CACNA1C: variants seen among roughly 807,000 people sequenced by gnomAD.
CACNA1C encodes calcium voltage-gated channel subunit alpha1 C.
A neutral mutation model predicts 229.0 loss-of-function variants in CACNA1C; 30 were observed. That is an observed-to-expected ratio of 0.13 (90% confidence interval 0.10 to 0.18). The LOEUF is 0.18. Ranked by LOEUF, CACNA1C falls within the 10% of genes least tolerant of loss-of-function variation. CACNA1C has a pLI of 1.00. For missense variants in CACNA1C, 1,658 were observed against 2,845.0 expected, an observed-to-expected ratio of 0.58 and a Z score of 9.49; for synonymous variants, 1,114 against 1,132.5, an observed-to-expected ratio of 0.98 and a Z score of 0.33.
intron 3 of CACNA1C, among the ~76,000 whole-genome samples, chr12:2,203,758 T>G (rs1262659719): frequency 6.6e-6 from 1 of 152,210 alleles, no homozygotes; most frequent in Non-Finnish European, 1.5e-5. Context: ...GCATCTCCTC[T>G]GCCTTCATAC....
intron 3 of CACNA1C, among the ~76,000 whole-genome samples, chr12:2,155,643 A>C (rs1156288268): frequency 6.6e-6 from 1 of 152,162 alleles, no homozygotes; most frequent in Non-Finnish European, 1.5e-5. Context: ...CTGTGAGAGC[A>C]TATTGGATTG....
At chr12:2,310,819 C>T (rs542695675) in intron 3 of CACNA1C, among the ~76,000 whole-genome samples, 15 of 152,272 alleles carry the variant, frequency 9.9e-5, no homozygotes, top group African/African-American at 2.4e-4. Flanking sequence ...CAATGGTTGC[C>T]GCAAGACCCC....
intron 3 of CACNA1C, among the ~76,000 whole-genome samples, chr12:2,416,622 C>T (rs1192662480): frequency 6.6e-6 from 1 of 152,208 alleles, no homozygotes; most frequent in Non-Finnish European, 1.5e-5. Context: ...AACCACCACG[C>T]TCTGAGCCTG....
At chr12:2,070,695 A>G (rs887817954) in intron 1 of CACNA1C, among the ~76,000 whole-genome samples, 2 of 152,194 alleles carry the variant, frequency 1.3e-5, no homozygotes, top group African/African-American at 4.8e-5. Flanking sequence ...TATTAGTGTT[A>G]CGCAGTTTTA....
chr12:2,614,587 A>G (rs757672352), intron 29 of CACNA1C: 2 of 152,238 alleles, frequency 1.3e-5, no homozygotes, highest in Admixed American at 6.5e-5. Context: ...GCTTCTAACC[A>G]TGACCTGAAT....
rs572001479 is a variant in CACNA1C, at chr12:2,512,277, G to A, written c.1218-535G>A. 1.3e-5 allele frequency among the ~76,000 whole-genome samples: 2 copies of A among 152,256 alleles called. No homozygotes were observed. The highest frequency in any genetic ancestry group is 3.9e-4 in the East Asian group (2 of 5,168). On this transcript the variant is annotated intron_variant, in intron 8 of 46. Coordinates refer to ENST00000399655, the MANE Select transcript of CACNA1C (RefSeq NM_000719.7). This position sits in a 1 kb window ranked among gnomAD's most constrained non-coding sequence, Gnocchi z 4.3. ...TACCAGCGAGACATCCCTGAAGCCA[G>A]AGTTGGGAAGAGACATGAATGATTG...
At chr12:2,593,055 C>T (rs903367404) in intron 18 of CACNA1C, among the ~76,000 whole-genome samples, 158 bp from the exon 19 acceptor site, 3 of 152,194 alleles carry the variant, frequency 2.0e-5, no homozygotes, top group African/African-American at 7.2e-5. Context: ...CAGAGATGAG[C>T]TGCAGCAGCA....
At chr12:1,973,307 T>C (rs528619388) in intron 1 of CACNA1C, among the ~76,000 whole-genome samples, 15 of 152,318 alleles carry the variant, frequency 9.8e-5, no homozygotes, top group African/African-American at 3.4e-4. Flanking sequence ...TTCTATTTTA[T>C]GGGTGACTAA....
intron 29 of CACNA1C, among the ~76,000 whole-genome samples, chr12:2,624,586 A>T (rs1222356399): frequency 1.3e-5 from 2 of 152,236 alleles, no homozygotes; most frequent in African/African-American, 4.8e-5. Flanking sequence ...ACGGAAACCT[A>T]GACATTCTCT....
chr12:2,536,277 C>G (rs1249269630), intron 9 of CACNA1C, among the ~76,000 whole-genome samples: 5 of 152,204 alleles, frequency 3.3e-5, no homozygotes, highest in Admixed American at 2.6e-4. Flanking sequence ...CGGCAAAGAA[C>G]AGGGTGCAAA....
rs551088742 is a variant in CACNA1C, at chr12:2,506,597, T to C, written c.1217+1652T>C. Among the ~76,000 whole-genome samples, 9 of 152,320 alleles carry C rather than the reference T, an allele frequency of 5.9e-5. No homozygotes were observed. The East Asian group carries it at 1.7e-3, about 29-fold the overall frequency. On this transcript the variant is annotated intron_variant, in intron 8 of 46. Coordinates refer to ENST00000399655, the MANE Select transcript of CACNA1C (RefSeq NM_000719.7). ...ACTTGGTGCCTGTTATAACTAGAAG[T>C]ATAGAATCATCAAATATTAGACATG...
chr12:2,181,508 T>C lies in CACNA1C; in HGVS notation c.477+61078T>C, dbSNP rs1409355576. On this transcript the variant is annotated intron_variant, in intron 3 of 46. Transcript: ENST00000399655. This position sits in a 1 kb window ranked among gnomAD's most constrained non-coding sequence, Gnocchi z 4.0. ...AAAACTCAGTTGCTGAAAGGCGTAA[T>C]AGGGGAGCGCAGATTTGAGGGTCAT... is the stretch of plus-strand genomic sequence containing the variant. Among the ~76,000 whole-genome samples, 1 of 152,098 alleles carries C rather than the reference T, an allele frequency of 6.6e-6. No individual in the cohort carries two copies. Among genetic ancestry groups the C allele is most frequent in the Non-Finnish European group, 1.5e-5 (1 of 68,004 alleles).
intron 1 of CACNA1C, among the ~76,000 whole-genome samples, chr12:2,109,317 T>G (rs1233898745): frequency 6.6e-6 from 1 of 152,014 alleles, no homozygotes; most frequent in Non-Finnish European, 1.5e-5. Flanking sequence ...GCAGCTAGTG[T>G]TTGAGTTCTG....
intron 1 of CACNA1C, among the ~76,000 whole-genome samples, chr12:2,112,112 G>A (rs2081995402): frequency 6.6e-6 from 1 of 152,178 alleles, no homozygotes; most frequent in Non-Finnish European, 1.5e-5. Context: ...CTCACCGTGA[G>A]CCCTGTGCCT....
intron 3 of CACNA1C, among the ~76,000 whole-genome samples, chr12:2,385,199 G>A (rs2154546737): frequency 6.6e-6 from 1 of 152,272 alleles, no homozygotes; most frequent in East Asian, 1.9e-4. Context: ...TGGAATCAGA[G>A]TCTCCATGCT....
At chr12:2,681,095 C>T (rs1182924772) in intron 42 of CACNA1C, among the ~76,000 whole-genome samples, 1 of 152,156 alleles carries the variant, frequency 6.6e-6, no homozygotes, top group East Asian at 1.9e-4. Flanking sequence ...CCCCTCTGGC[C>T]TCATGAAGCT....
chr12:2,169,353 C>T (rs576217385), intron 3 of CACNA1C, among the ~76,000 whole-genome samples: 1 of 152,244 alleles, frequency 6.6e-6, no homozygotes, highest in Admixed American at 6.5e-5. Flanking sequence ...CTGATCTGTT[C>T]CCAATCTGAA....
At chr12:2,516,576 C>T (rs907971937) in intron 9 of CACNA1C, among the ~76,000 whole-genome samples, 2 of 152,068 alleles carry the variant, frequency 1.3e-5, no homozygotes, top group Non-Finnish European at 2.9e-5. Context: ...TAAGGTCAGA[C>T]TTCAGGATGA....
intron 1 of CACNA1C, among the ~76,000 whole-genome samples, chr12:2,102,690 CCAT>C (rs1207376541): frequency 6.6e-6 from 1 of 152,048 alleles, no homozygotes; most frequent in Non-Finnish European, 1.5e-5. Context: ...GCCCATCAAC[CCAT>C]CATCTACATT....
Sources: allele counts gnomAD v4.1 joint callset (sites outside exome capture counted in the v4.1 genomes callset), GRCh38; gene constraint gnomAD v4.1.1; non-coding constraint Gnocchi (gnomAD v3.1); transcripts MANE v1.5; gene names NCBI Gene and HGNC (gene_info 2026-07-23, HGNC 2026-07-21).